MAP3K5: variants seen among roughly 807,000 people sequenced by gnomAD.
MAP3K5 encodes mitogen-activated protein kinase kinase kinase 5.
In MAP3K5, 56 loss-of-function variants were observed where a neutral mutation model predicts 158.7. That is an observed-to-expected ratio of 0.35 (90% CI 0.28 to 0.44). The LOEUF (loss-of-function observed/expected upper bound fraction) is 0.44, where lower values mean the gene tolerates loss of function less well. Ranked by LOEUF, MAP3K5 falls within the 20% of genes least tolerant of loss-of-function variation. The probability of loss-of-function intolerance (pLI) is 1.00; values close to 1 mark genes in which losing one functional copy is unlikely to be tolerated. For missense variants in MAP3K5, 1,294 were observed against 1,674.8 expected (o/e 0.77, Z 3.97); for synonymous variants, 579 against 601.7 (o/e 0.96, Z 0.55).
chr6:136,602,932 A>G (rs1415973389), intron 19 of MAP3K5, among the ~76,000 whole-genome samples: 1 of 152,220 alleles, frequency 6.6e-6, no homozygotes. Flanking sequence ...TTTTTATAAC[A>G]ATTAGAATTT....
chr6:136,626,116 C>G (rs548475988), intron 14 of MAP3K5, among the ~76,000 whole-genome samples: 22 of 152,340 alleles, frequency 1.4e-4, no homozygotes, highest in African/African-American at 5.3e-4. Context: ...CTTGGGTACA[C>G]ACGCATGACT....
At chr6:136,623,231 CA>C (rs1776888529) in intron 14 of MAP3K5, among the ~76,000 whole-genome samples, 3 of 152,210 alleles carry the variant, frequency 2.0e-5, no homozygotes, top group African/African-American at 7.2e-5. Flanking sequence ...ATTGCTTCTC[CA>C]AAAGCCATGT....
intron 2 of MAP3K5, among the ~76,000 whole-genome samples, chr6:136,712,715 C>T (rs1781361200): frequency 6.6e-6 from 1 of 152,172 alleles, no homozygotes; most frequent in South Asian, 2.1e-4. Context: ...ATTGTAGCTC[C>T]CATGATTCCC....
At chr6:136,630,936 T>TA (rs1158684532) in intron 14 of MAP3K5, among the ~76,000 whole-genome samples, 1 of 151,946 alleles carries the variant, frequency 6.6e-6, no homozygotes, top group Non-Finnish European at 1.5e-5. Flanking sequence ...CCTGTCTCTA[T>TA]AAAAAGCACA....
At chr6:136,632,834 T>C (rs1038314818) in intron 14 of MAP3K5, among the ~76,000 whole-genome samples, 1 of 152,304 alleles carries the variant, frequency 6.6e-6, no homozygotes, top group African/African-American at 2.4e-5. Context: ...TTAACTCTGA[T>C]CAATTGTTTG....
chr6:136,702,283 G>A (rs917107853), intron 3 of MAP3K5, among the ~76,000 whole-genome samples: 1 of 152,150 alleles, frequency 6.6e-6, no homozygotes, highest in Admixed American at 6.5e-5. Context: ...AGACAGCCCA[G>A]TGAGTATGCA....
intron 27 of MAP3K5, 122 bp from the exon 28 acceptor site, chr6:136,561,767 T>C (rs1326714474): frequency 5.0e-6 from 3 of 595,604 alleles, no homozygotes; most frequent in Non-Finnish European, 9.1e-6. Context: ...GAACAGTTCA[T>C]AGAAACAATT....
chr6:136,629,529 G>A (rs935551399), intron 14 of MAP3K5, among the ~76,000 whole-genome samples: 18 of 146,002 alleles, frequency 1.2e-4, no homozygotes, highest in East Asian at 6.2e-4. Context: ...ATCTCAGCTC[G>A]CTGCAAGCTC....
intron 7 of MAP3K5, 137 bp downstream of exon 7, chr6:136,694,003 T>C (rs1376610539): frequency 1.5e-6 from 1 of 649,470 alleles, no homozygotes; most frequent in Non-Finnish European, 2.4e-6. Flanking sequence ...TAAAATAAAA[T>C]AAAATAAAAT....
At chr6:136,764,814 T>A (rs1480620679) in intron 1 of MAP3K5, among the ~76,000 whole-genome samples, 1 of 152,212 alleles carries the variant, frequency 6.6e-6, no homozygotes, top group Non-Finnish European at 1.5e-5. Context: ...AGCTTTCTCA[T>A]GGCAGAGAGA....
intron 25 of MAP3K5, among the ~76,000 whole-genome samples, chr6:136,569,914 T>C (rs991734956): frequency 6.6e-6 from 1 of 152,192 alleles, no homozygotes; most frequent in Non-Finnish European, 1.5e-5. Flanking sequence ...GCAGAAATAT[T>C]GAATTTTCAC....
chr6:136,574,978 C>T (rs931039036), intron 25 of MAP3K5, among the ~76,000 whole-genome samples: 1 of 151,868 alleles, frequency 6.6e-6, no homozygotes, highest in Admixed American at 6.6e-5. Flanking sequence ...CGTGAGCCAC[C>T]GCGCCCGGCC....
intron 1 of MAP3K5, among the ~76,000 whole-genome samples, chr6:136,744,975 T>G (rs1482112592): frequency 6.6e-6 from 1 of 152,156 alleles, no homozygotes; most frequent in Non-Finnish European, 1.5e-5. Context: ...TTTTGATCCA[T>G]TATCATGCTC....
chr6:136,597,019 A>G (rs1393612001), intron 21 of MAP3K5, among the ~76,000 whole-genome samples: 1 of 152,074 alleles, frequency 6.6e-6, no homozygotes, highest in Admixed American at 6.5e-5. Context: ...AGGCAGCCTT[A>G]CTGCTGATAT....
At chr6:136,558,174 C>T (rs1351527450) in intron 29 of MAP3K5, among the ~76,000 whole-genome samples, 1 of 152,086 alleles carries the variant, frequency 6.6e-6, no homozygotes, top group African/African-American at 2.4e-5. Context: ...GTCAGGAGAT[C>T]GAGACCATCC....
intron 1 of MAP3K5, among the ~76,000 whole-genome samples, chr6:136,739,270 T>C (rs1317807559): frequency 8.5e-5 from 13 of 152,150 alleles, no homozygotes; most frequent in Admixed American, 8.5e-4. Context: ...GCCTGGGGTG[T>C]AGCTGGCTGG....
intron 5 of MAP3K5, among the ~76,000 whole-genome samples, chr6:136,696,919 G>A (rs1189494250): frequency 6.6e-6 from 1 of 152,212 alleles, no homozygotes; most frequent in East Asian, 1.9e-4. Context: ...GTGTGCCTGA[G>A]GCTAACAGTA....
At chr6:136,560,874 C>T (rs921881508) in intron 28 of MAP3K5, among the ~76,000 whole-genome samples, 1 of 151,376 alleles carries the variant, frequency 6.6e-6, no homozygotes, top group East Asian at 1.9e-4. Flanking sequence ...TTGAGCCCAG[C>T]AGGTCAAGGC....
chr6:136,756,145 G>GAA (rs760436999), intron 1 of MAP3K5, among the ~76,000 whole-genome samples: 11 of 140,054 alleles, frequency 7.9e-5, no homozygotes, highest in African/African-American at 2.6e-4. Flanking sequence ...CGCCTCTACA[G>GAA]AAAAAAAAAA....
Sources: gnomAD v4.1 joint callset for allele counts (sites outside exome capture counted in the v4.1 genomes callset) on GRCh38, gnomAD v4.1.1 for gene constraint, MANE v1.5 for transcripts, NCBI Gene and HGNC (gene_info 2026-07-23, HGNC 2026-07-21) for gene names.